The following TRIM2 variants were observed in gnomAD, a reference collection of about 807,000 sequenced individuals.
The protein encoded by TRIM2 is tripartite motif-containing protein 2.
A neutral mutation model predicts 75.2 loss-of-function variants in TRIM2; 20 were observed. The ratio of observed to expected loss-of-function variants is 0.27; its 90% confidence interval spans 0.19 to 0.39. The LOEUF is 0.39. TRIM2 is among the 10% of genes least tolerant of loss of function. TRIM2 has a pLI of 1.00. For synonymous variants in TRIM2, 373 were observed against 388.3 expected (o/e 0.96, Z 0.46); for missense variants, 660 against 990.8 (o/e 0.67, Z 4.48).
intron 1 of TRIM2, among the ~76,000 whole-genome samples, chr4:153,267,275 G>A (rs545108477): frequency 1.4e-4 from 21 of 152,176 alleles, no homozygotes; most frequent in South Asian, 1.0e-3. Context: ...TAGTGAAAAG[G>A]CCATGGGTTT....
intron 1 of TRIM2, among the ~76,000 whole-genome samples, chr4:153,192,578 GC>G (rs1347767098): frequency 2.2e-5 from 3 of 138,930 alleles, no homozygotes; most frequent in Non-Finnish European, 4.5e-5. Flanking sequence ...TTGCATCCCA[GC>G]CAGAGTGACA....
intron 1 of TRIM2, among the ~76,000 whole-genome samples, chr4:153,182,217 C>A (rs1732139049): frequency 6.6e-6 from 1 of 152,172 alleles, no homozygotes; most frequent in Non-Finnish European, 1.5e-5. Flanking sequence ...CAAGGAGGGG[C>A]ACCTCCTAAG....
At chr4:153,232,739 G>C (rs938098689) in intron 1 of TRIM2, among the ~76,000 whole-genome samples, 1 of 152,160 alleles carries the variant, frequency 6.6e-6, no homozygotes, top group Non-Finnish European at 1.5e-5. Flanking sequence ...GTAATGTGTC[G>C]TTAAGTCTAG....
At chr4:153,305,762 C>T (rs954456285) in intron 6 of TRIM2, among the ~76,000 whole-genome samples, 8 of 152,160 alleles carry the variant, frequency 5.3e-5, no homozygotes, top group African/African-American at 1.9e-4. Context: ...ACACAATAAC[C>T]CCTTAAAAGC....
At position 153,334,984 on chromosome 4, in the gene TRIM2, C is replaced by T. The variant is rs1772281960; in HGVS notation, c.*18C>T. 6.2e-7 allele frequency: 1 copy of T among 1,604,852 alleles called. No homozygotes were observed. The highest frequency in any genetic ancestry group is 8.5e-7 in the Non-Finnish European group (1 of 1,174,164). Reference sequence around the variant, plus strand: ...TACAGTAATGGTGGGCAGGTGGATACCCGCTTCCATGGTCTTGCACTATAA... The same window carrying T: ...TACAGTAATGGTGGGCAGGTGGATATCCGCTTCCATGGTCTTGCACTATAA... On this transcript the variant is annotated 3_prime_UTR_variant, in exon 12 of 12. Coordinates refer to ENST00000338700, the MANE Select transcript of TRIM2 (RefSeq NM_015271.5).
chr4:153,193,361 G>T (rs1252701107), intron 1 of TRIM2, among the ~76,000 whole-genome samples: 1 of 152,080 alleles, frequency 6.6e-6, no homozygotes, highest in Admixed American at 6.6e-5. Flanking sequence ...TCGATCTCCT[G>T]ACCTCGTGAT....
At chr4:153,244,171 CTTCTTCTT>C (rs1560872394) in intron 1 of TRIM2, among the ~76,000 whole-genome samples, 2 of 148,344 alleles carry the variant, frequency 1.3e-5, no homozygotes, top group Admixed American at 6.7e-5. Flanking sequence ...TCTTCTTCTT[CTTCTTCTT>C]CTCCTCCTTC....
At chr4:153,157,934 C>CA (rs1729388505) in intron 1 of TRIM2, among the ~76,000 whole-genome samples, 1 of 152,216 alleles carries the variant, frequency 6.6e-6, no homozygotes, top group South Asian at 2.1e-4. Flanking sequence ...TTTGCACTGG[C>CA]ACCTGGAATG....
At chr4:153,304,048 T>TG (rs1046901212) in intron 6 of TRIM2, among the ~76,000 whole-genome samples, 2 of 152,156 alleles carry the variant, frequency 1.3e-5, no homozygotes, top group East Asian at 3.9e-4. Flanking sequence ...GTCAGGATGG[T>TG]GGGGGGAGAA....
Position 153,295,501 on chromosome 4 carries a change from G to C in TRIM2, c.975G>C (p.Gln325His). ...DFPLHPREND[Q>H]LDFIVETEGL... is the part of the protein sequence containing the mutation. ...CCTTGCACCCGCGGGAGAACGACCA[G>C]CTGGATTTCATCGTGGAAACCGAGG... is the stretch of plus-strand genomic sequence containing the variant. Residue 325 changes from glutamine to histidine, a missense_variant, in exon 6 of 12, where the codon CAG becomes CAC. Gln to His is a conservative substitution (Grantham distance 24, BLOSUM62 0). Coordinates refer to ENST00000338700, the MANE Select transcript of TRIM2 (RefSeq NM_015271.5). This position sits in a 1 kb window ranked among gnomAD's most constrained non-coding sequence, Gnocchi z 7.2. 1.2e-6 allele frequency: 2 copies of C among 1,614,164 alleles called. No homozygotes were observed. Among genetic ancestry groups the C allele is most frequent in the Non-Finnish European group, 8.5e-7 (1 of 1,180,024 alleles).
At chr4:153,244,287 TC>T (rs1560873373) in intron 1 of TRIM2, among the ~76,000 whole-genome samples, 607 of 30,222 alleles carry the variant, frequency 0.02, 98 homozygotes, top group African/African-American at 0.088. Flanking sequence ...CTCCTCCTCC[TC>T]CTCCTCCTCC....
In TRIM2 at chr4:153,335,625, C is replaced by A. The variant is rs1346778663; in HGVS notation, c.*659C>A. 1 of 985,300 alleles carries A rather than the reference C, an allele frequency of 1.0e-6. No individual in the cohort carries two copies. The highest frequency in any genetic ancestry group is 1.7e-5 in the African/African-American group (1 of 57,214). 61.0% of individuals were successfully genotyped at this position (985,300 alleles called of 1,614,324 possible). A position where few individuals can be genotyped will look rare whatever the true frequency, so the allele number is the denominator to read the frequency against. On this transcript the variant is annotated 3_prime_UTR_variant, in exon 12 of 12. Coordinates refer to ENST00000338700, the MANE Select transcript of TRIM2 (RefSeq NM_015271.5). Reference sequence around the variant, plus strand: ...CCTTTTTTGTGTGTTCTTTTCACCACCCCTTTGGCTCACCTTGTATCAGCA... The same window carrying A: ...CCTTTTTTGTGTGTTCTTTTCACCAACCCTTTGGCTCACCTTGTATCAGCA...
At chr4:153,218,926 TA>T (rs1739226075) in intron 1 of TRIM2, among the ~76,000 whole-genome samples, 1 of 152,194 alleles carries the variant, frequency 6.6e-6, no homozygotes, top group Non-Finnish European at 1.5e-5. Flanking sequence ...AACAGTTTTT[TA>T]TGCCTCTATT....
intron 3 of TRIM2, among the ~76,000 whole-genome samples, chr4:153,292,244 C>T (rs963985611): frequency 4.6e-5 from 7 of 152,180 alleles, no homozygotes; most frequent in Middle Eastern, 3.2e-3. Flanking sequence ...TACAAGTCTC[C>T]AGCCATCTTC....
chr4:153,294,606 T>G, intron 5 of TRIM2, 121 bp downstream of exon 5: 1 of 1,036,884 alleles, frequency 9.6e-7, no homozygotes, highest in East Asian at 2.7e-5. Context: ...AAACTATAGT[T>G]TTCACTGAAT....
intron 3 of TRIM2, among the ~76,000 whole-genome samples, chr4:153,278,009 A>G (rs968030150): frequency 2.6e-5 from 4 of 152,230 alleles, no homozygotes; most frequent in Non-Finnish European, 4.4e-5. Context: ...ATCAGGTGTA[A>G]GAGTGCCCCT....
At chr4:153,259,696 T>C (rs1362994484) in intron 1 of TRIM2, among the ~76,000 whole-genome samples, 1 of 152,222 alleles carries the variant, frequency 6.6e-6, no homozygotes, top group African/African-American at 2.4e-5. Context: ...TTATTACTTA[T>C]ATAAAGGCTG....
intron 6 of TRIM2, among the ~76,000 whole-genome samples, chr4:153,304,612 G>C (rs544166279): frequency 3.3e-5 from 5 of 152,186 alleles, no homozygotes; most frequent in Admixed American, 1.3e-4. Flanking sequence ...AGAGGAGGTT[G>C]TTTCCTTGAT....
In TRIM2 at chr4:153,165,248, G is replaced by C. The variant is rs562686872; in HGVS notation, c.-49+11978G>C. ...TCTTTTCCTTGCTTGGTTTAATTCT[G>C]TTTTTCTGAAATAAATCCTCCAGTA... On this transcript the variant is annotated intron_variant, in intron 1 of 11. Coordinates refer to the TRIM2 transcript ENST00000437508. Among the ~76,000 whole-genome samples the C allele has an allele frequency of 2.0e-5, 3 of 152,182 alleles. 1 individual carries two copies. In the South Asian group the frequency reaches 6.2e-4, roughly 32 times the overall value.
Sources: allele counts gnomAD v4.1 joint callset (sites outside exome capture counted in the v4.1 genomes callset), GRCh38; gene constraint gnomAD v4.1.1; non-coding constraint Gnocchi (gnomAD v3.1); transcripts MANE v1.5; gene names NCBI Gene and HGNC (gene_info 2026-07-23, HGNC 2026-07-21).